Variants in SCAPER observed in about 807,000 individuals in gnomAD.
SCAPER encodes S-phase cyclin A associated protein in the ER.
Under a neutral mutation model 182.2 loss-of-function variants are expected in SCAPER, and 98 were observed. That is an observed-to-expected ratio of 0.54 (90% CI 0.46 to 0.64). The LOEUF is 0.64. Ranked by LOEUF, SCAPER falls within the 30% of genes least tolerant of loss-of-function variation. The pLI, the probability that SCAPER is intolerant of heterozygous loss-of-function variation, is 0.00. For synonymous variants in SCAPER, 605 were observed against 564.6 expected (o/e 1.07, Z -1.01); for missense variants, 1,432 against 1,690.0 (o/e 0.85, Z 2.68).
At chr15:76,520,403 A>C (rs143822210) in intron 23 of SCAPER, among the ~76,000 whole-genome samples, 1 of 152,148 alleles carries the variant, frequency 6.6e-6, no homozygotes, top group Admixed American at 6.5e-5. Flanking sequence ...TTTTTAGTAG[A>C]GATGGGGTTT....
intron 31 of SCAPER, chr15:76,350,357 TAG>T (rs1278494041): frequency 7.4e-6 from 1 of 134,494 alleles, no homozygotes; most frequent in Non-Finnish European, 1.6e-5. Flanking sequence ...CTGTCCACTG[TAG>T]AGGACTTTGT....
intron 19 of SCAPER, among the ~76,000 whole-genome samples, chr15:76,702,164 A>C (rs1215333166): frequency 7.1e-6 from 1 of 140,820 alleles, no homozygotes; most frequent in African/African-American, 2.4e-5. Flanking sequence ...CTCCATCTCA[A>C]AACAAAACAA....
chr15:76,470,521 G>C (rs1391835298), intron 25 of SCAPER, among the ~76,000 whole-genome samples: 1 of 152,144 alleles, frequency 6.6e-6, no homozygotes, highest in Non-Finnish European at 1.5e-5. Context: ...CATTGGTTCT[G>C]AAAAATAAAT....
At chr15:76,422,122 C>T (rs1034620683) in intron 26 of SCAPER, among the ~76,000 whole-genome samples, 1 of 152,102 alleles carries the variant, frequency 6.6e-6, no homozygotes, top group Non-Finnish European at 1.5e-5. Flanking sequence ...TTTGGTTCCA[C>T]ATGAACTTTA....
rs536845074 is a variant in SCAPER, at chr15:76,808,156, A to T, written c.394-3523T>A. Among the ~76,000 whole-genome samples the T allele has an allele frequency of 1.6e-3, 247 of 152,284 alleles. 1 individual carries two copies. Among genetic ancestry groups the T allele is most frequent in the Non-Finnish European group, 3.0e-3 (204 of 68,012 alleles). Reference sequence around the variant, plus strand: ...AAAGAGAAAAAGGGCCAAAACTACTAGCCCCCAGTTTCTCCACAGAAAGGG... The same window carrying T: ...AAAGAGAAAAAGGGCCAAAACTACTTGCCCCCAGTTTCTCCACAGAAAGGG... On this transcript the variant is annotated intron_variant, in intron 5 of 31. Coordinates refer to ENST00000563290, the MANE Select transcript of SCAPER (RefSeq NM_020843.4).
intron 17 of SCAPER, among the ~76,000 whole-genome samples, chr15:76,712,099 T>C (rs991966390): frequency 1.3e-5 from 2 of 152,202 alleles, no homozygotes; most frequent in Admixed American, 6.5e-5. Context: ...TAATCCATCT[T>C]GAATTAATTT....
At chr15:76,412,085 A>T (rs1046972725) in intron 26 of SCAPER, among the ~76,000 whole-genome samples, 1 of 152,156 alleles carries the variant, frequency 6.6e-6, no homozygotes, top group South Asian at 2.1e-4. Context: ...ATATAACAAG[A>T]GGTTACTTTT....
At chr15:76,359,360 G>A (rs769967364) in intron 29 of SCAPER, among the ~76,000 whole-genome samples, 3 of 152,238 alleles carry the variant, frequency 2.0e-5, no homozygotes, top group Admixed American at 6.5e-5. Flanking sequence ...CTGCCTGCAC[G>A]AGAGAGCTGT....
chr15:76,695,588 C>T (rs2058611398), intron 20 of SCAPER, among the ~76,000 whole-genome samples: 1 of 144,998 alleles, frequency 6.9e-6, no homozygotes, highest in African/African-American at 2.5e-5. Context: ...CGGAGCAAGA[C>T]TCCGTCTCAA....
intron 25 of SCAPER, among the ~76,000 whole-genome samples, chr15:76,460,263 T>C (rs1322874753): frequency 1.3e-5 from 2 of 152,166 alleles, no homozygotes; most frequent in Non-Finnish European, 2.9e-5. Context: ...TAGTTTTCCT[T>C]GTAGATGTCT....
intron 23 of SCAPER, among the ~76,000 whole-genome samples, chr15:76,553,146 C>G (rs1318609518): frequency 6.6e-6 from 1 of 152,224 alleles, no homozygotes; most frequent in Admixed American, 6.5e-5. Context: ...TGTCTCCCTT[C>G]CCTGGATGGT....
At chr15:76,669,367 C>T (rs1219807948) in intron 20 of SCAPER, among the ~76,000 whole-genome samples, 1 of 143,928 alleles carries the variant, frequency 6.9e-6, no homozygotes, top group Admixed American at 7.0e-5. Context: ...GTAGTAAGTA[C>T]ACACATACAA....
intron 15 of SCAPER, among the ~76,000 whole-genome samples, chr15:76,752,693 AAGT>A (rs1157895450): frequency 2.0e-5 from 3 of 151,770 alleles, no homozygotes; most frequent in African/African-American, 4.8e-5. Context: ...TAGATCTAGA[AAGT>A]AGAATGATGA....
intron 23 of SCAPER, among the ~76,000 whole-genome samples, chr15:76,571,525 A>G (rs1597443569): frequency 6.6e-6 from 1 of 152,314 alleles, no homozygotes; most frequent in East Asian, 1.9e-4. Context: ...GTTACTATAC[A>G]TCACAAGTTT....
At chr15:76,762,845 T>TA (rs2062873639) in intron 14 of SCAPER, among the ~76,000 whole-genome samples, 1 of 152,122 alleles carries the variant, frequency 6.6e-6, no homozygotes, top group African/African-American at 2.4e-5. Context: ...TTTGTAGAGA[T>TA]AAAGTCTTGC....
intron 2 of SCAPER, among the ~76,000 whole-genome samples, chr15:76,878,311 A>T (rs1303854130): frequency 6.6e-6 from 1 of 152,226 alleles, no homozygotes; most frequent in South Asian, 2.1e-4. Context: ...TAAATCTGGC[A>T]AAAGGATATA....
intron 23 of SCAPER, among the ~76,000 whole-genome samples, chr15:76,568,369 C>G (rs1223151795): frequency 6.6e-6 from 1 of 151,828 alleles, no homozygotes; most frequent in African/African-American, 2.4e-5. Context: ...CGTTCCCTCT[C>G]CCTGCGCCAC....
At chr15:76,862,576 T>TAC in intron 2 of SCAPER, 43 bp from the exon 3 acceptor site, 2 of 1,199,078 alleles carry the variant, frequency 1.7e-6, no homozygotes, top group African/African-American at 1.5e-5. Flanking sequence ...ATTAGATAAG[T>TAC]CAAAATATAT....
chr15:76,765,619 C>A lies in SCAPER; in HGVS notation c.1439G>T (p.Ser480Ile). Residue 480 changes from serine to isoleucine, a missense_variant, in exon 12 of 32, where the codon AGT becomes ATT. Around this residue, in one of 5 missense-constraint regions of SCAPER, gnomAD observed 128 missense variants for 149.9 expected, o/e 0.85. Transcript: ENST00000563290. ...SDFSASMGSG[S>I]VSFCGMSMDW... Reference sequence around the variant, plus strand: ...CATGGACATACCACAGAAAGAAACACTCCCACTGCCCATGCTGGCCTAAAA... The same window carrying A: ...CATGGACATACCACAGAAAGAAACAATCCCACTGCCCATGCTGGCCTAAAA... 1 of 1,582,564 alleles carries A rather than the reference C, an allele frequency of 6.3e-7. No individual in the cohort carries two copies. Among genetic ancestry groups the A allele is most frequent in the Admixed American group, 1.8e-5 (1 of 55,070 alleles).
Sources: allele counts gnomAD v4.1 joint callset (sites outside exome capture counted in the v4.1 genomes callset), GRCh38; gene constraint gnomAD v4.1.1; regional missense constraint gnomAD v4.1.1; transcripts MANE v1.5; gene names NCBI Gene and HGNC (gene_info 2026-07-23, HGNC 2026-07-21).